Variants in ZNF717 observed in about 807,000 individuals in gnomAD.
ZNF717 encodes the protein zinc finger protein 717, also known as krueppel-like factor X17.
Under a neutral mutation model 13.8 loss-of-function variants are expected in ZNF717, and 9 were observed. The observed-to-expected ratio is 0.65, with a 90% CI of 0.39 to 1.14. The LOEUF is 1.14. ZNF717 is among the 50% of genes most tolerant of loss of function. The pLI, the probability that ZNF717 is intolerant of heterozygous loss-of-function variation, is 0.01. For missense variants in ZNF717, 1,040 were observed against 1,080.7 expected (o/e 0.96, Z 0.53); for synonymous variants, 327 against 364.1 (o/e 0.90, Z 1.16).
intron 2 of ZNF717, among the ~76,000 whole-genome samples, chr3:75,777,552 T>G (rs1379578311): frequency 1.0e-4 from 12 of 114,372 alleles, no homozygotes; most frequent in Admixed American, 6.4e-4. Flanking sequence ...GGCTAAAACC[T>G]GAACCCAAAA....
intron 2 of ZNF717, among the ~76,000 whole-genome samples, chr3:75,759,953 T>A (rs139705474): frequency 0.022 from 3,285 of 152,308 alleles, 63 homozygotes; most frequent in African/African-American, 0.074. Flanking sequence ...TATCTTTATG[T>A]CAGGTTGCTG....
chr3:75,716,712 G>A (rs1938063082), intron 4 of ZNF717, among the ~76,000 whole-genome samples: 1 of 152,176 alleles, frequency 6.6e-6, no homozygotes, highest in African/African-American at 2.4e-5. Context: ...ATTCTTGGGG[G>A]TGGTAAATAA....
At chr3:75,753,315 C>T (rs796456160) in intron 2 of ZNF717, among the ~76,000 whole-genome samples, 3 of 151,152 alleles carry the variant, frequency 2.0e-5, no homozygotes, top group African/African-American at 4.9e-5. Flanking sequence ...GTTTGTCCCT[C>T]ACATAGGATT....
In ZNF717 at chr3:75,719,151, C is replaced by A. The variant is rs1453922228; in HGVS notation, n.545-2610G>T. Among the ~76,000 whole-genome samples, 546 of 151,808 alleles carry A rather than the reference C, an allele frequency of 3.6e-3. 4 individuals are homozygous for A. Among genetic ancestry groups the A allele is most frequent in the Non-Finnish European group, 5.4e-3 (370 of 67,940 alleles). On this transcript the variant is annotated intron_variant and non_coding_transcript_variant, in intron 4 of 5. Coordinates refer to the ZNF717 transcript ENST00000491507. ...TGTACAAGAAAATACTAAAATACAC[C>A]AGGTGTGGTGTCACATGCCTGTGGT...
At chr3:75,740,367 C>T (rs142197309) in intron 4 of ZNF717, among the ~76,000 whole-genome samples, 273 of 134,628 alleles carry the variant, frequency 2.0e-3, no homozygotes, top group African/African-American at 6.6e-3. Flanking sequence ...CCAGCACCAC[C>T]CCTATCCAGG....
intron 4 of ZNF717, among the ~76,000 whole-genome samples, chr3:75,724,563 C>A (rs1938238226): frequency 6.6e-6 from 1 of 152,146 alleles, no homozygotes; most frequent in Non-Finnish European, 1.5e-5. Context: ...TGAGTTCTTA[C>A]CATTTTATCA....
chr3:75,769,690 G>A (rs1338612962), intron 2 of ZNF717, among the ~76,000 whole-genome samples: 1 of 152,180 alleles, frequency 6.6e-6, no homozygotes, highest in African/African-American at 2.4e-5. Context: ...AACTACAATT[G>A]CCTACTTAAA....
In ZNF717 at chr3:75,774,200, A is replaced by AAAAAGAAAG. The variant is rs1227599777; in HGVS notation, c.57+9105_57+9106insCTTTCTTTT. 8.8e-4 allele frequency among the ~76,000 whole-genome samples: 126 copies of AAAAAGAAAG among 143,888 alleles called. No homozygotes were observed. The East Asian group carries it at 9.6e-3, about 11-fold the overall frequency. 94.4% of individuals were successfully genotyped at this position (143,888 alleles called of 152,430 possible). ...TGTAAATAAACTACCAAAAAAAAAA[A>AAAAAGAAAG]AAAGGAAAAACAAGAGGCAGATTGT... On this transcript the variant is annotated intron_variant, in intron 2 of 4. Coordinates refer to ENST00000652011, the MANE Select transcript of ZNF717 (RefSeq NM_001290208.3).
At chr3:75,770,175 A>G (rs1480000550) in intron 2 of ZNF717, among the ~76,000 whole-genome samples, 2 of 152,254 alleles carry the variant, frequency 1.3e-5, no homozygotes, top group African/African-American at 4.8e-5. Flanking sequence ...GGTTTTGCCA[A>G]GAATGACACT....
intron 2 of ZNF717, among the ~76,000 whole-genome samples, chr3:75,749,040 AC>A (rs1303307024): frequency 6.6e-6 from 1 of 151,732 alleles, no homozygotes; most frequent in Non-Finnish European, 1.5e-5. Context: ...ATTCCAGAAC[AC>A]TGCTACAAGG....
At chr3:75,744,202 T>C (rs1940851334) in intron 2 of ZNF717, among the ~76,000 whole-genome samples, 1 of 152,378 alleles carries the variant, frequency 6.6e-6, no homozygotes, top group South Asian at 2.1e-4. Flanking sequence ...ATCATGATCA[T>C]AGTCCTGTGG....
At chr3:75,707,759 C>A (rs111413988), downstream of ZNF717, among the ~76,000 whole-genome samples, 2 of 147,002 alleles carry the variant, frequency 1.4e-5, no homozygotes, top group African/African-American at 5.1e-5. Flanking sequence ...CCTAATACTG[C>A]GCTTTTCCAA....
intron 1 of ZNF717, among the ~76,000 whole-genome samples, chr3:75,783,780 C>G (rs1944980468): frequency 6.6e-6 from 1 of 152,168 alleles, no homozygotes; most frequent in Admixed American, 6.5e-5. Context: ...TATGAGTGTT[C>G]CCATGACAGT....
intron 1 of ZNF717, among the ~76,000 whole-genome samples, chr3:75,784,352 T>C (rs1945018643): frequency 6.6e-6 from 1 of 152,234 alleles, no homozygotes; most frequent in Admixed American, 6.5e-5. Context: ...GTATTAACTG[T>C]TACACCTAAG....
chr3:75,729,615 C>CAAAAAAAAAAAAAAA (rs369485280), downstream of ZNF717, among the ~76,000 whole-genome samples: 1 of 115,548 alleles, frequency 8.7e-6, no homozygotes. Context: ...AACTCCATAT[C>CAAAAAAAAAAAAAAA]AAAAAAAAAA....
At chr3:75,755,843 A>G (rs1342503044) in intron 2 of ZNF717, among the ~76,000 whole-genome samples, 2 of 152,276 alleles carry the variant, frequency 1.3e-5, no homozygotes, top group African/African-American at 4.8e-5. Context: ...AGGAGAATGA[A>G]TAGAAAACAG....
At chr3:75,698,054 A>G (rs535983098) in intron 6 of ZNF717, among the ~76,000 whole-genome samples, 5 of 152,272 alleles carry the variant, frequency 3.3e-5, no homozygotes, top group African/African-American at 9.6e-5. Flanking sequence ...TTTGAAATTG[A>G]TGATTTAGGG....
Position 75,736,835 on chromosome 3 carries a change from G to A in ZNF717, c.*43C>T. The stretch of plus-strand genomic sequence containing the variant: ...GTCCATATTCTCCTAGACTGAGCAT[G>A]GAGAAATCTGTAATAGTAGCCAGAG... On this transcript the variant is annotated 3_prime_UTR_variant, in exon 5 of 5. Coordinates refer to ENST00000652011, the MANE Select transcript of ZNF717 (RefSeq NM_001290208.3). The A allele has an allele frequency of 2.0e-6, 3 of 1,493,448 alleles. No homozygotes were observed. The highest frequency in any genetic ancestry group is 1.8e-6 in the Non-Finnish European group (2 of 1,118,678). 92.5% of individuals were successfully genotyped at this position (1,493,448 alleles called of 1,614,324 possible).
chr3:75,719,919 T>C (rs1328711464), intron 4 of ZNF717, among the ~76,000 whole-genome samples: 13 of 151,644 alleles, frequency 8.6e-5, no homozygotes, highest in Middle Eastern at 3.4e-3. Flanking sequence ...GATGGTGCCA[T>C]TGCACTCCAG....
Sources: gnomAD v4.1 joint callset for allele counts (sites outside exome capture counted in the v4.1 genomes callset) on GRCh38, gnomAD v4.1.1 for gene constraint, MANE v1.5 for transcripts, NCBI Gene and HGNC (gene_info 2026-07-23, HGNC 2026-07-21) for gene names.